The following RALYL variants were observed in gnomAD, a reference collection of about 807,000 sequenced individuals.
The protein encoded by RALYL is RALY RNA binding protein like.
A neutral mutation model predicts 35.1 loss-of-function variants in RALYL; 29 were observed. The ratio of observed to expected loss-of-function variants is 0.83; its 90% CI spans 0.61 to 1.13. RALYL has a LOEUF of 1.13. Ranked by LOEUF, RALYL falls within the 50% of genes most tolerant of loss-of-function variation. The pLI is 0.00. For synonymous variants in RALYL, 120 were observed against 127.6 expected (o/e 0.94, Z 0.40); for missense variants, 359 against 360.4 (o/e 1.00, Z 0.03).
At chr8:84,408,796 GTAGAACATAC>G (rs1355753072) in intron 1 of RALYL, among the ~76,000 whole-genome samples, 2 of 152,044 alleles carry the variant, frequency 1.3e-5, no homozygotes, top group Non-Finnish European at 2.9e-5. Context: ...AATGCTATAT[GTAGAACATAC>G]TAGCACTAAA....
At chr8:84,486,962 G>T (rs1321755966) in intron 1 of RALYL, among the ~76,000 whole-genome samples, 1 of 151,966 alleles carries the variant, frequency 6.6e-6, no homozygotes, top group Non-Finnish European at 1.5e-5. Flanking sequence ...GCCCAAGGGG[G>T]AGTTGCTGAC....
At chr8:84,501,962 T>C (rs1464043756) in intron 1 of RALYL, among the ~76,000 whole-genome samples, 2 of 151,622 alleles carry the variant, frequency 1.3e-5, no homozygotes, top group East Asian at 3.9e-4. Flanking sequence ...ATTGAAAATA[T>C]AGTAGCCACT....
At chr8:84,430,983 A>G (rs557467917) in intron 1 of RALYL, among the ~76,000 whole-genome samples, 6 of 152,152 alleles carry the variant, frequency 3.9e-5, no homozygotes, top group Non-Finnish European at 8.8e-5. Context: ...GAGGTTTGTC[A>G]CTTAACATTC....
intron 2 of RALYL, among the ~76,000 whole-genome samples, chr8:84,684,821 TAGTTCAGGCTGCCCTGTCA>T (rs1269144810): frequency 2.6e-5 from 4 of 152,200 alleles, no homozygotes; most frequent in African/African-American, 9.6e-5. Context: ...GAAGATGTAT[TAGTTCAGGCTGCCCTGTCA>T]AATTGTCATA....
chr8:84,579,082 C>T (rs1455487031), intron 2 of RALYL, among the ~76,000 whole-genome samples: 2 of 152,150 alleles, frequency 1.3e-5, no homozygotes, highest in African/African-American at 2.4e-5. Flanking sequence ...CCAGGCTGTT[C>T]ATGTGGAAGG....
At chr8:84,544,981 C>A (rs1439239921) in intron 2 of RALYL, among the ~76,000 whole-genome samples, 1 of 151,814 alleles carries the variant, frequency 6.6e-6, no homozygotes, top group Non-Finnish European at 1.5e-5. Flanking sequence ...ATTCATTAAC[C>A]TTTTCACTGT....
At chr8:84,468,286 T>C (rs2052053699) in intron 1 of RALYL, among the ~76,000 whole-genome samples, 1 of 152,164 alleles carries the variant, frequency 6.6e-6, no homozygotes, top group South Asian at 2.1e-4. Context: ...TGGTACCCGT[T>C]GTTCCTTTCC....
intron 2 of RALYL, among the ~76,000 whole-genome samples, chr8:84,552,295 T>A (rs181800248): frequency 1.3e-5 from 2 of 148,770 alleles, no homozygotes; most frequent in East Asian, 3.9e-4. Context: ...TAAAGCATTT[T>A]CTGTTGTTTT....
At chr8:84,435,305 A>C (rs2047582165) in intron 1 of RALYL, among the ~76,000 whole-genome samples, 2 of 152,156 alleles carry the variant, frequency 1.3e-5, no homozygotes, top group South Asian at 2.1e-4. Context: ...CTTCTCTAAA[A>C]ATCATTTACT....
rs114168119 is a variant in RALYL at position 84,348,800 on chromosome 8, C to T, written c.-24+164376C>T. Among the ~76,000 whole-genome samples the T allele has an allele frequency of 5.5e-3, 754 of 137,152 alleles. 71 individuals are homozygous for T. Among genetic ancestry groups the T allele is most frequent in the African/African-American group, 0.019 (660 of 34,420 alleles). 90.0% of individuals were successfully genotyped at this position (137,152 alleles called of 152,430 possible). On this transcript the variant is annotated intron_variant, in intron 1 of 8. Coordinates refer to ENST00000521268, the MANE Select transcript of RALYL (RefSeq NM_173848.7). ...AAAAGGATTATGGTGTATGTATGTT[C>T]GGGTGGTGTATGTGTGTAAATTATC...
intron 2 of RALYL, among the ~76,000 whole-genome samples, chr8:84,532,565 T>A (rs1441981435): frequency 1.3e-5 from 2 of 152,038 alleles, no homozygotes; most frequent in Non-Finnish European, 2.9e-5. Flanking sequence ...ATTATTAGTG[T>A]CAGGTACCAC....
intron 4 of RALYL, among the ~76,000 whole-genome samples, chr8:84,823,972 C>T (rs1225467135): frequency 6.6e-6 from 1 of 152,098 alleles, no homozygotes; most frequent in Non-Finnish European, 1.5e-5. Flanking sequence ...TATGCCCACT[C>T]TGACACTCCC....
chr8:84,491,127 A>G, intron 1 of RALYL, among the ~76,000 whole-genome samples: 1 of 151,996 alleles, frequency 6.6e-6, no homozygotes. Context: ...AAAAAATGAC[A>G]TAGAAAATAC....
At chr8:84,262,293 A>G (rs541251281) in intron 1 of RALYL, among the ~76,000 whole-genome samples, 82 of 152,248 alleles carry the variant, frequency 5.4e-4, no homozygotes, top group African/African-American at 1.8e-3. Context: ...TATGCATAAG[A>G]GTGTTTGTTC....
At chr8:84,274,199 A>T (rs972839295) in intron 1 of RALYL, among the ~76,000 whole-genome samples, 1 of 152,174 alleles carries the variant, frequency 6.6e-6, no homozygotes, top group Non-Finnish European at 1.5e-5. Context: ...GGTGATGCAT[A>T]TGTGTGCCTC....
chr8:84,853,407 G>C (rs1836290038), intron 5 of RALYL, among the ~76,000 whole-genome samples: 1 of 152,206 alleles, frequency 6.6e-6, no homozygotes, highest in Non-Finnish European at 1.5e-5. Flanking sequence ...TAGATAGATA[G>C]ATAATCAATA....
rs529533555 is a variant in RALYL at position 84,773,742 on chromosome 8, C to A, written c.257-837C>A. Among the ~76,000 whole-genome samples the A allele has an allele frequency of 3.9e-5, 6 of 152,168 alleles. No individual in the cohort carries two copies. In the South Asian group the frequency reaches 1.2e-3, roughly 32 times the overall value. On this transcript the variant is annotated intron_variant, in intron 2 of 8. Transcript: ENST00000521268. Reference sequence around the variant, plus strand: ...GCATTTTGTTGCTCCTTTAGTAAACCTGGTATGATTTATGATCAAATCCTT... The same window carrying A: ...GCATTTTGTTGCTCCTTTAGTAAACATGGTATGATTTATGATCAAATCCTT...
At chr8:84,396,260 G>T (rs199990591) in intron 1 of RALYL, among the ~76,000 whole-genome samples, 1 of 151,936 alleles carries the variant, frequency 6.6e-6, no homozygotes, top group Admixed American at 6.6e-5. Flanking sequence ...ACCTTCCCAT[G>T]ATGGGCTCAT....
chr8:84,348,075 AT>A, intron 1 of RALYL, among the ~76,000 whole-genome samples: 1 of 152,158 alleles, frequency 6.6e-6, no homozygotes, highest in Non-Finnish European at 1.5e-5. Context: ...GCAGCCTGTG[AT>A]GGCTGGAGTT....
Sources: gnomAD v4.1 joint callset for allele counts (sites outside exome capture counted in the v4.1 genomes callset) on GRCh38, gnomAD v4.1.1 for gene constraint, MANE v1.5 for transcripts, NCBI Gene and HGNC (gene_info 2026-07-23, HGNC 2026-07-21) for gene names.